The following SDCBP2 variants were observed in gnomAD, a reference collection of about 807,000 sequenced individuals.
SDCBP2 encodes the protein syntenin-2.
Under a neutral mutation model 30.7 loss-of-function variants are expected in SDCBP2, and 28 were observed. The ratio of observed to expected loss-of-function variants is 0.91; its 90% CI spans 0.68 to 1.25. The LOEUF (loss-of-function observed/expected upper bound fraction) is 1.25, where lower values mean the gene tolerates loss of function less well. Among genes scored for constraint, SDCBP2 ranks in the 50% most tolerant of loss-of-function variants. SDCBP2 has a pLI of 0.00. For synonymous variants in SDCBP2, 166 were observed against 157.3 expected, an observed-to-expected ratio of 1.06 and a Z score of -0.41; for missense variants, 399 against 379.0, an observed-to-expected ratio of 1.05 and a Z score of -0.44.
At position 1,313,559 on chromosome 20, in the gene SDCBP2, C is replaced by A; in HGVS notation, c.226-61G>T. The A allele has an allele frequency of 6.7e-7, 1 of 1,496,786 alleles. No homozygotes were observed. Among genetic ancestry groups the A allele is most frequent in the East Asian group, 2.5e-5 (1 of 40,770 alleles). The allele number at this position is 1,496,786 out of a possible 1,614,324, so 92.7% of individuals were successfully genotyped here. ...CGTGGGGACCCTGTGCCTCAGGAGA[C>A]ACTGGGGTGGGGGTAGGGATGGGGA... On this transcript the variant is annotated intron_variant, in intron 4 of 8. Transcript: ENST00000360779. This position sits in a 1 kb window ranked among gnomAD's most constrained non-coding sequence, Gnocchi z 5.2.
At chr20:1,327,344 A>G (rs2088943664) in intron 1 of SDCBP2, among the ~76,000 whole-genome samples, 1 of 152,196 alleles carries the variant, frequency 6.6e-6, no homozygotes, top group African/African-American at 2.4e-5. Context: ...CAAAGAGCTG[A>G]AGTGATGGAA....
chr20:1,310,513 A>G lies in SDCBP2; in HGVS notation c.825-18T>C, dbSNP rs2088645604. 2 of 1,604,092 alleles carry G rather than the reference A, an allele frequency of 1.2e-6. No individual in the cohort carries two copies. The highest frequency in any genetic ancestry group is 1.1e-5 in the South Asian group (1 of 90,928). On this transcript the variant is annotated intron_variant, in intron 8 of 8. Transcript: ENST00000360779. ...GAGGCAACCTGGATACAGCAACAAC[A>G]GTGACCAGGTTGGCAGCTCCTTCTC...
At chr20:1,310,591 C>A in intron 8 of SDCBP2, 96 bp from the exon 9 acceptor site, 1 of 1,219,686 alleles carries the variant, frequency 8.2e-7, no homozygotes, top group Non-Finnish European at 1.2e-6. Flanking sequence ...CCCATGTGGG[C>A]CTTCACTCCC....
Position 1,313,301 on chromosome 20 carries a change from A to G in SDCBP2, c.384+39T>C. ...TGAGGCCTGGCGGGAGAGCGCGTGC[A>G]GCTCGAGCTCCTCTTCCCACCCAGC... On this transcript the variant is annotated intron_variant, in intron 5 of 8. Transcript: ENST00000360779. This position sits in a 1 kb window ranked among gnomAD's most constrained non-coding sequence, Gnocchi z 5.2. 1.3e-6 allele frequency: 2 copies of G among 1,588,768 alleles called. No individual in the cohort carries two copies. Among genetic ancestry groups the G allele is most frequent in the Non-Finnish European group, 1.7e-6 (2 of 1,165,328 alleles).
rs549463753 is a variant in SDCBP2 at position 1,319,729 on chromosome 20, T to C, written c.55-70A>G. 198 of 1,343,622 alleles carry C rather than the reference T, an allele frequency of 1.5e-4. No individual in the cohort carries two copies. The Middle Eastern group carries it at 2.7e-3, about 18-fold the overall frequency. 83.2% of individuals were successfully genotyped at this position (1,343,622 alleles called of 1,614,324 possible). A position where few individuals can be genotyped will look rare whatever the true frequency, so the allele number is the denominator to read the frequency against. On this transcript the variant is annotated intron_variant, in intron 2 of 8. Coordinates refer to ENST00000360779, the MANE Select transcript of SDCBP2 (RefSeq NM_080489.5). The stretch of plus-strand genomic sequence containing the variant: ...AGGAACCCCAGAGCCTGGAGCTCCA[T>C]GAGGCCAGGGTCTGGGCATTAGGGG...
rs915579844 is a variant in SDCBP2, at chr20:1,320,849, G to T, written c.-19-414C>A. 6.4e-6 allele frequency: 1 copy of T among 155,590 alleles called. No homozygotes were observed. The highest frequency in any genetic ancestry group is 1.4e-5 in the Non-Finnish European group (1 of 70,238). The allele number at this position is 155,590 out of a possible 1,614,324, so 9.6% of individuals were successfully genotyped here. ...AATCAGCAGGACCTCTGAGCAAGGT[G>T]CCCCGAGAAAGTGAAAGGAATGATG... On this transcript the variant is annotated intron_variant, in intron 1 of 8. Coordinates refer to ENST00000360779, the MANE Select transcript of SDCBP2 (RefSeq NM_080489.5). This position sits in a 1 kb window ranked among gnomAD's most constrained non-coding sequence, Gnocchi z 4.7.
intron 1 of SDCBP2, 100 bp downstream of exon 1, chr20:1,328,985 T>G (rs2088974139): frequency 6.6e-6 from 1 of 152,120 alleles, no homozygotes; most frequent in Non-Finnish European, 1.5e-5. Flanking sequence ...GCCTGGGAAG[T>G]CCCAGAAGGG....
intron 1 of SDCBP2, among the ~76,000 whole-genome samples, chr20:1,328,168 G>A (rs2088957747): frequency 6.6e-6 from 1 of 152,206 alleles, no homozygotes; most frequent in African/African-American, 2.4e-5. Context: ...TGTGCAGAGA[G>A]GGAGTAAGGA....
intron 7 of SDCBP2, 44 bp from the exon 8 acceptor site, chr20:1,310,935 C>T: frequency 6.9e-7 from 1 of 1,457,600 alleles, no homozygotes; most frequent in Non-Finnish European, 9.6e-7. Flanking sequence ...GATTGGGGAC[C>T]AGGGGCAACT....
rs751295912 is a variant in SDCBP2, at chr20:1,313,367, G to A, written c.357C>T (p.Thr119=). The A allele has an allele frequency of 6.2e-7, 1 of 1,611,648 alleles. No homozygotes were observed. Among genetic ancestry groups the A allele is most frequent in the South Asian group, 1.1e-5 (1 of 90,810 alleles). The part of the protein sequence containing the change: ...IHLCKDERGK[T]GLRLRKVDQG... Reference sequence around the variant, plus strand: ...GGTCGACCTTCCGCAGCCTCAGCCCGGTCTTGCCGCGCTCGTCCTTGCACA... The same window carrying A: ...GGTCGACCTTCCGCAGCCTCAGCCCAGTCTTGCCGCGCTCGTCCTTGCACA... The change falls in exon 5 of 9, where the codon ACC becomes ACT. Residue 119 remains threonine (T), a synonymous_variant. Coordinates refer to ENST00000360779, the MANE Select transcript of SDCBP2 (RefSeq NM_080489.5). The surrounding 1 kb of genome is among the most constrained non-coding windows in gnomAD (Gnocchi z 5.2).
At chr20:1,315,490 C>T (rs987811132) in intron 4 of SDCBP2, among the ~76,000 whole-genome samples, 1 of 143,342 alleles carries the variant, frequency 7.0e-6, no homozygotes, top group African/African-American at 2.5e-5. Context: ...GATCATGTCA[C>T]TGCACTCCAG....
intron 7 of SDCBP2, 134 bp from the exon 8 acceptor site, chr20:1,311,025 C>T: frequency 4.8e-6 from 3 of 621,538 alleles, no homozygotes; most frequent in Non-Finnish European, 8.3e-6. Flanking sequence ...GCAGGGCTGC[C>T]TCGGACCCCG....
chr20:1,319,281 GC>G (rs1250789306), intron 3 of SDCBP2, among the ~76,000 whole-genome samples: 3 of 152,236 alleles, frequency 2.0e-5, no homozygotes, highest in Non-Finnish European at 4.4e-5. Context: ...AGGCAGCCTT[GC>G]TGGGGGCATC....
In SDCBP2 at chr20:1,312,352, A is replaced by G. The variant is rs890397224; in HGVS notation, c.717T>C (p.Asn239=). ...NHYVCEVDGQ[N]VIGLKDKKIM... ...ACCAGCCTACCTTCAGCCCGATAAC[A>G]TTCTGCCCGTCCACCTCACACACGT... is the stretch of plus-strand genomic sequence containing the variant. Residue 239 remains asparagine (N), a synonymous_variant, in exon 7 of 9, where the codon AAT becomes AAC. Transcript: ENST00000360779. The G allele has an allele frequency of 6.2e-7, 1 of 1,613,218 alleles. No homozygotes were observed. Among genetic ancestry groups the G allele is most frequent in the Non-Finnish European group, 8.5e-7 (1 of 1,179,682 alleles).
chr20:1,328,377 T>C (rs560729813), intron 1 of SDCBP2, among the ~76,000 whole-genome samples: 1 of 151,724 alleles, frequency 6.6e-6, no homozygotes, highest in East Asian at 1.9e-4. Flanking sequence ...AGGGCAGGAG[T>C]GGGAGCAGGA....
rs1245828978 is a variant in SDCBP2 at position 1,311,084 on chromosome 20, G to A, written c.733-193C>T. On this transcript the variant is annotated intron_variant, in intron 7 of 8. Coordinates refer to ENST00000360779, the MANE Select transcript of SDCBP2 (RefSeq NM_080489.5). The stretch of plus-strand genomic sequence containing the variant: ...CAGACTCCCAGGTAAGGTCTTGCTT[G>A]AGTGAGAACATGGGTCTCCCACCTG... 4 of 534,850 alleles carry A rather than the reference G, an allele frequency of 7.5e-6. No homozygotes were observed. The East Asian group carries it at 1.2e-4, about 16-fold the overall frequency. 33.1% of individuals were successfully genotyped at this position (534,850 alleles called of 1,614,324 possible).
rs117169131 is a variant in SDCBP2 at position 1,329,071 on chromosome 20, C to A, written c.-20+14G>T. 0.021 allele frequency: 3,149 copies of A among 152,432 alleles called. 52 individuals carry two copies. The highest frequency in any genetic ancestry group is 0.032 in the Non-Finnish European group (2,182 of 68,116). The allele number at this position is 152,432 out of a possible 1,614,324, so 9.4% of individuals were successfully genotyped here. A position where few individuals can be genotyped will look rare whatever the true frequency, so the allele number is the denominator to read the frequency against. Reference sequence around the variant, plus strand: ...AATCCCAGCCAGGATTGGGTCAGGGCCCCCAGCGCTTACCTGCAGGCAAGG... The same window carrying A: ...AATCCCAGCCAGGATTGGGTCAGGGACCCCAGCGCTTACCTGCAGGCAAGG... On this transcript the variant is annotated intron_variant, in intron 1 of 8. Coordinates refer to ENST00000360779, the MANE Select transcript of SDCBP2 (RefSeq NM_080489.5). This position sits in a 1 kb window ranked among gnomAD's most constrained non-coding sequence, Gnocchi z 4.3.
Position 1,312,673 on chromosome 20 carries a change from A to ACGCC in SDCBP2, c.470_473dup (p.Asp159AlafsTer2). The ACGCC allele has an allele frequency of 6.2e-7, 1 of 1,614,070 alleles. No homozygotes were observed. The highest frequency in any genetic ancestry group is 1.1e-5 in the South Asian group (1 of 91,074). On this transcript the variant is annotated frameshift_variant, in exon 6 of 9. Transcript: ENST00000360779. LOFTEE classifies it high-confidence loss of function. The stretch of plus-strand genomic sequence containing the variant: ...TGTGCGAGCTCCACCCAGCACAGTC[A>ACGCC]CGCCCGTCAATCTGCAGGAGCTGGT...
rs571814630 is a variant in SDCBP2, at chr20:1,320,507, G to A, written c.-19-72C>T. On this transcript the variant is annotated intron_variant, in intron 1 of 8. Coordinates refer to ENST00000360779, the MANE Select transcript of SDCBP2 (RefSeq NM_080489.5). This position sits in a 1 kb window ranked among gnomAD's most constrained non-coding sequence, Gnocchi z 4.7. Reference sequence around the variant, plus strand: ...CCCTTGAAAGGAGGCACAGACATCCGCAACAGCAAGCGGGTTGGAACTTAA... The same window carrying A: ...CCCTTGAAAGGAGGCACAGACATCCACAACAGCAAGCGGGTTGGAACTTAA... The A allele has an allele frequency of 3.0e-5, 35 of 1,181,114 alleles. No individual in the cohort carries two copies. Among genetic ancestry groups the A allele is most frequent in the South Asian group, 5.4e-5 (4 of 74,374 alleles). The allele number at this position is 1,181,114 out of a possible 1,614,324, so 73.2% of individuals were successfully genotyped here.
Sources: gnomAD v4.1 joint callset for allele counts (sites outside exome capture counted in the v4.1 genomes callset) on GRCh38, gnomAD v4.1.1 for gene constraint, Gnocchi (gnomAD v3.1) non-coding constraint, MANE v1.5 for transcripts, NCBI Gene and HGNC (gene_info 2026-07-23, HGNC 2026-07-21) for gene names.